CD44: variants seen among roughly 807,000 people sequenced by gnomAD.
CD44 encodes CD44 molecule (IN blood group), also known as CD44 antigen.
Under a neutral mutation model 88.8 loss-of-function variants are expected in CD44, and 49 were observed. That is an observed-to-expected ratio of 0.55 (90% CI 0.44 to 0.70). The LOEUF (loss-of-function observed/expected upper bound fraction) is 0.70, where lower values mean the gene tolerates loss of function less well. Among genes scored for constraint, CD44 ranks in the 30% least tolerant of loss-of-function variants. The probability of loss-of-function intolerance (pLI) is 0.00; values close to 1 mark genes in which losing one functional copy is unlikely to be tolerated. For synonymous variants in CD44, 325 were observed against 312.3 expected (o/e 1.04, Z -0.43); for missense variants, 883 against 913.8 (o/e 0.97, Z 0.43).
chr11:35,157,321 G>GTCTATCTACCTATCTATCTA (rs1554950203), intron 1 of CD44, among the ~76,000 whole-genome samples: 53 of 147,286 alleles, frequency 3.6e-4, no homozygotes, highest in African/African-American at 1.3e-3. Context: ...CTGTCTGTCT[G>GTCTATCTACCTATCTATCTA]TCTATCTATC....
rs141560285 is a variant in CD44, at chr11:35,191,340, C to T, written c.667+1275C>T. 2.4e-4 allele frequency among the ~76,000 whole-genome samples: 36 copies of T among 152,300 alleles called. No individual in the cohort carries two copies. In the East Asian group the frequency reaches 6.9e-3, roughly 29 times the overall value. On this transcript the variant is annotated intron_variant, in intron 5 of 17. Coordinates refer to ENST00000428726, the MANE Select transcript of CD44 (RefSeq NM_000610.4). ...ATGATACAAATAGGCTTGGGGTTCC[C>T]ATCACTCCCTGCACATTCTTTGAAG... is the stretch of plus-strand genomic sequence containing the variant.
At chr11:35,208,957 A>C (rs992261477) in intron 12 of CD44, among the ~76,000 whole-genome samples, 10 of 152,240 alleles carry the variant, frequency 6.6e-5, no homozygotes, top group African/African-American at 2.4e-4. Flanking sequence ...ATCAGCAAGC[A>C]TGTATTGATG....
intron 17 of CD44, among the ~76,000 whole-genome samples, chr11:35,222,202 A>G (rs1464242416): frequency 6.6e-6 from 1 of 152,200 alleles, no homozygotes; most frequent in Non-Finnish European, 1.5e-5. Flanking sequence ...AGATTCAGTG[A>G]TTCATCATCC....
chr11:35,219,195 GA>G, intron 15 of CD44, 120 bp from the exon 16 acceptor site: 1 of 724,304 alleles, frequency 1.4e-6, no homozygotes, highest in Non-Finnish European at 2.5e-6. Flanking sequence ...TCTGCAGCTT[GA>G]ATCCATAAAT....
chr11:35,209,141 G>A (rs1053203888), intron 12 of CD44, among the ~76,000 whole-genome samples: 1 of 152,170 alleles, frequency 6.6e-6, no homozygotes, highest in Non-Finnish European at 1.5e-5. Context: ...TATTTATTCG[G>A]TGGTGGGCAT....
chr11:35,151,250 C>T (rs979409004), intron 1 of CD44, among the ~76,000 whole-genome samples: 8 of 152,144 alleles, frequency 5.3e-5, no homozygotes, highest in South Asian at 2.1e-4. Flanking sequence ...ATGAAAAGAA[C>T]AGTGAGAGAT....
chr11:35,175,591 A>G (rs529763325), intron 1 of CD44, among the ~76,000 whole-genome samples: 23 of 152,324 alleles, frequency 1.5e-4, no homozygotes, highest in African/African-American at 5.1e-4. Flanking sequence ...TGTTTGCTGT[A>G]GTTTTTGTAG....
chr11:35,157,783 A>G (rs1044290811), intron 1 of CD44, among the ~76,000 whole-genome samples: 5 of 152,312 alleles, frequency 3.3e-5, no homozygotes, highest in Admixed American at 3.3e-4. Flanking sequence ...CCCACTCAGG[A>G]TAAGTGTGAG....
chr11:35,153,594 T>TG (rs1042416982), intron 1 of CD44, among the ~76,000 whole-genome samples: 37 of 152,210 alleles, frequency 2.4e-4, no homozygotes, highest in African/African-American at 8.4e-4. Context: ...TGCTAGGCAC[T>TG]GGGGATACCA....
intron 1 of CD44, among the ~76,000 whole-genome samples, chr11:35,158,264 G>C (rs971551331): frequency 6.6e-6 from 1 of 152,308 alleles, no homozygotes; most frequent in African/African-American, 2.4e-5. Flanking sequence ...CCGGAATTGA[G>C]AAGGTTTACT....
chr11:35,204,000 C>T (rs1947564958), intron 9 of CD44, among the ~76,000 whole-genome samples: 4 of 152,182 alleles, frequency 2.6e-5, no homozygotes, highest in Admixed American at 2.6e-4. Context: ...GCCATCCCAC[C>T]ATCTTTCCTG....
intron 1 of CD44, among the ~76,000 whole-genome samples, chr11:35,173,948 C>T (rs1050825358): frequency 2.0e-5 from 3 of 152,184 alleles, no homozygotes; most frequent in African/African-American, 4.8e-5. Context: ...CCTGCTCTGC[C>T]ACTTAAGAGC....
chr11:35,172,548 T>C (rs1944022618), intron 1 of CD44, among the ~76,000 whole-genome samples: 1 of 152,204 alleles, frequency 6.6e-6, no homozygotes, highest in Non-Finnish European at 1.5e-5. Flanking sequence ...TTGATGTGGA[T>C]GGCATATCGC....
At chr11:35,198,736 T>C (rs1947004619) in intron 7 of CD44, among the ~76,000 whole-genome samples, 1 of 152,092 alleles carries the variant, frequency 6.6e-6, no homozygotes, top group Non-Finnish European at 1.5e-5. Flanking sequence ...CCCAGCACCC[T>C]GGGAGGCCGA....
In CD44 at chr11:35,231,513, T is replaced by A. The variant is rs1427519156; in HGVS notation, c.*2180T>A. On this transcript the variant is annotated 3_prime_UTR_variant, in exon 18 of 18. Transcript: ENST00000428726. ...TTTTGGAATTAAATACTTTTTTCCCTTTATTACTGTTGTAGTCCCTCACTT... is the reference window on the plus strand; with the variant it reads ...TTTTGGAATTAAATACTTTTTTCCCATTATTACTGTTGTAGTCCCTCACTT... 2 of 152,220 alleles carry A rather than the reference T, an allele frequency of 1.3e-5. No homozygotes were observed. The highest frequency in any genetic ancestry group is 2.9e-5 in the Non-Finnish European group (2 of 68,034). 9.4% of individuals were successfully genotyped at this position (152,220 alleles called of 1,614,324 possible). A position where few individuals can be genotyped will look rare whatever the true frequency, so the allele number is the denominator to read the frequency against.
In CD44 at chr11:35,205,844, C is replaced by T. The variant is rs544188982; in HGVS notation, c.1283-268C>T. On this transcript the variant is annotated intron_variant, in intron 10 of 17. Transcript: ENST00000428726. ...CTTCTCCTTCATCTTCCTTTGATGT[C>T]GGTAACTCATCCTTTCTGCACTGCG... 277 of 1,078,880 alleles carry T rather than the reference C, an allele frequency of 2.6e-4. No individual in the cohort carries two copies. In the African/African-American group the frequency reaches 3.6e-3, roughly 14 times the overall value. The allele number at this position is 1,078,880 out of a possible 1,614,324, so 66.8% of individuals were successfully genotyped here.
At chr11:35,227,638 T>C (rs752119817) in intron 17 of CD44, among the ~76,000 whole-genome samples, 2 of 152,220 alleles carry the variant, frequency 1.3e-5, no homozygotes, top group Non-Finnish European at 2.9e-5. Flanking sequence ...TGAGGAGGTA[T>C]AATTTTTATT....
rs980584327 is a variant in CD44, at chr11:35,180,424, G to A, written c.367+17G>A. On this transcript the variant is annotated intron_variant, in intron 3 of 17. Transcript: ENST00000428726. ...ATGCTTCAGGTTGGTTCTCAGGGGG[G>A]TGTCTGTTGGCGTGAAAGGCTGTGG... 1 of 1,613,914 alleles carries A rather than the reference G, an allele frequency of 6.2e-7. No homozygotes were observed. Among genetic ancestry groups the A allele is most frequent in the South Asian group, 1.1e-5 (1 of 91,052 alleles).
At chr11:35,191,871 T>A (rs573562791) in intron 5 of CD44, among the ~76,000 whole-genome samples, 1 of 152,348 alleles carries the variant, frequency 6.6e-6, no homozygotes, top group South Asian at 2.1e-4. Flanking sequence ...GTACCAGGCC[T>A]ATTAGAATGC....
Sources: allele counts gnomAD v4.1 joint callset (sites outside exome capture counted in the v4.1 genomes callset), GRCh38; gene constraint gnomAD v4.1.1; transcripts MANE v1.5; gene names NCBI Gene and HGNC (gene_info 2026-07-23, HGNC 2026-07-21).